The following CCNE2 variants were observed in gnomAD, a reference collection of about 807,000 sequenced individuals.
The protein encoded by CCNE2 is cyclin E2.
Under a neutral mutation model 56.8 loss-of-function variants are expected in CCNE2, and 18 were observed. That is an observed-to-expected ratio of 0.32 (90% CI 0.22 to 0.47). The LOEUF is 0.47. Among genes scored for constraint, CCNE2 ranks in the 20% least tolerant of loss-of-function variants. The pLI, the probability that CCNE2 is intolerant of heterozygous loss-of-function variation, is 1.00. For missense variants in CCNE2, 371 were observed against 467.1 expected, an observed-to-expected ratio of 0.79 and a Z score of 1.90; for synonymous variants, 139 against 149.2, an observed-to-expected ratio of 0.93 and a Z score of 0.50.
At chr8:94,882,054 G>A in intron 11 of CCNE2, 78 bp downstream of exon 11, 2 of 1,346,094 alleles carry the variant, frequency 1.5e-6, no homozygotes, top group South Asian at 1.5e-5. Context: ...GCCTGAAGGA[G>A]TACTCTATTC....
At position 94,880,825 on chromosome 8, in the gene CCNE2, T is replaced by C. The variant is rs1816781198; in HGVS notation, c.*807A>G. 1 of 398,596 alleles carries C rather than the reference T, an allele frequency of 2.5e-6. No homozygotes were observed. The highest frequency in any genetic ancestry group is 4.4e-5 in the Admixed American group (1 of 22,730). The allele number at this position is 398,596 out of a possible 1,614,324, so 24.7% of individuals were successfully genotyped here. ...TAAAGTGACTTCCTCATATAAATAG[T>C]TTGAAAGGGTACTTAAGTTTTTCAC... On this transcript the variant is annotated 3_prime_UTR_variant, in exon 12 of 12. Coordinates refer to ENST00000308108, the MANE Select transcript of CCNE2 (RefSeq NM_057749.3).
At chr8:94,895,264 T>C, upstream of CCNE2, 1 of 985,188 alleles carries the variant, frequency 1.0e-6, no homozygotes, top group Non-Finnish European at 1.2e-6. Flanking sequence ...CGCATGCGCC[T>C]CAGACTGACA....
intron 1 of CCNE2, among the ~76,000 whole-genome samples, chr8:94,894,975 G>T (rs568581604): frequency 6.6e-6 from 1 of 152,272 alleles, no homozygotes; most frequent in Non-Finnish European, 1.5e-5. Context: ...CCTAGAATGA[G>T]GGGCGGCTCT....
chr8:94,881,234 A>C lies in CCNE2; in HGVS notation c.*398T>G, dbSNP rs1816797509. 3 of 359,068 alleles carry C rather than the reference A, an allele frequency of 8.4e-6. No individual in the cohort carries two copies. The allele number at this position is 359,068 out of a possible 1,614,324, so 22.2% of individuals were successfully genotyped here. On this transcript the variant is annotated 3_prime_UTR_variant, in exon 12 of 12. Coordinates refer to ENST00000308108, the MANE Select transcript of CCNE2 (RefSeq NM_057749.3). ...TTTTGAGAATCTAACAACTAGATTCAAAGTACTGTATCACTTAGTATACCC... is the reference window on the plus strand; with the variant it reads ...TTTTGAGAATCTAACAACTAGATTCCAAGTACTGTATCACTTAGTATACCC...
chr8:94,882,215 G>A lies in CCNE2; in HGVS notation c.1018C>T (p.Pro340Ser). 2.5e-6 allele frequency: 4 copies of A among 1,612,622 alleles called. No homozygotes were observed. Among genetic ancestry groups the A allele is most frequent in the Non-Finnish European group, 3.4e-6 (4 of 1,179,180 alleles). Residue 340 changes from proline (P) to serine (S), a missense_variant, in exon 11 of 12, where the codon CCA (proline) becomes TCA (serine). Coordinates refer to ENST00000308108, the MANE Select transcript of CCNE2 (RefSeq NM_057749.3). ...PFVNVVKSTS[P>S]VKLKTFKKIP... ...TTCTTAAAAGTCTTCAGCTTCACTG[G>A]ACTAGTACTTTTTACTACATTGACA...
rs1225361378 is a variant in CCNE2, at chr8:94,881,502, T to TG, written c.*129dup. On this transcript the variant is annotated 3_prime_UTR_variant, in exon 12 of 12. Coordinates refer to ENST00000308108, the MANE Select transcript of CCNE2 (RefSeq NM_057749.3). ...CCAATTGTAAGTTTTAAAATCAGAA[T>TG]GGCAGTGTAACTTGTGAATTGGCTA... 1.3e-6 allele frequency: 1 copy of TG among 779,266 alleles called. No individual in the cohort carries two copies. The highest frequency in any genetic ancestry group is 2.8e-5 in the Admixed American group (1 of 35,642). The allele number at this position is 779,266 out of a possible 1,614,324, so 48.3% of individuals were successfully genotyped here. A position where few individuals can be genotyped will look rare whatever the true frequency, so the allele number is the denominator to read the frequency against.
intron 7 of CCNE2, among the ~76,000 whole-genome samples, chr8:94,886,651 C>T (rs774836476): frequency 2.6e-5 from 4 of 152,144 alleles, no homozygotes; most frequent in Non-Finnish European, 5.9e-5. Context: ...TACTGAGCTG[C>T]AATAGTGCCA....
chr8:94,885,282 T>A, intron 8 of CCNE2, 81 bp from the exon 9 acceptor site: 1 of 1,328,268 alleles, frequency 7.5e-7, no homozygotes, highest in East Asian at 2.3e-5. Context: ...AGAGGTTAAG[T>A]ACATTCCCCA....
At chr8:94,884,762 T>G (rs1198210756) in intron 9 of CCNE2, 1 of 222,738 alleles carries the variant, frequency 4.5e-6, no homozygotes, top group Non-Finnish European at 9.0e-6. Flanking sequence ...AATAATTCTA[T>G]GCCATTATAA....
chr8:94,883,748 G>C (rs16893774), intron 9 of CCNE2: 44,773 of 297,718 alleles, frequency 0.15, 3,840 homozygotes, highest in Middle Eastern at 0.28. Flanking sequence ...TAAGCAGTGA[G>C]ATTAGTTAAA....
At chr8:94,885,650 C>A in intron 7 of CCNE2, 92 bp from the exon 8 acceptor site, 3 of 582,816 alleles carry the variant, frequency 5.1e-6, no homozygotes, top group Non-Finnish European at 8.9e-6. Flanking sequence ...TCCCAATAAA[C>A]CAAAATATCA....
intron 11 of CCNE2, 21 bp from the exon 12 acceptor site, chr8:94,881,766 T>G: frequency 6.2e-7 from 1 of 1,612,010 alleles, no homozygotes; most frequent in South Asian, 1.1e-5. Context: ...GAAGAAATCA[T>G]GCACTGATTT....
chr8:94,891,624 C>T, intron 5 of CCNE2: 1 of 433,848 alleles, frequency 2.3e-6, no homozygotes, highest in Non-Finnish European at 4.2e-6. Context: ...TGCCACTGCA[C>T]TCCAGCCTGG....
chr8:94,881,580 C>G lies in CCNE2; in HGVS notation c.*52G>C. ...GTAAAACTTTAGTAGTTCAGTGATA[C>G]CAGTTCTACCCAATCTTGGTGAATT... is the stretch of plus-strand genomic sequence containing the variant. On this transcript the variant is annotated 3_prime_UTR_variant, in exon 12 of 12. Transcript: ENST00000308108. 1 of 1,584,710 alleles carries G rather than the reference C, an allele frequency of 6.3e-7. No homozygotes were observed. Among genetic ancestry groups the G allele is most frequent in the African/African-American group, 1.4e-5 (1 of 73,806 alleles).
At chr8:94,895,321 C>T (rs1207172191), upstream of CCNE2, 1 of 928,060 alleles carries the variant, frequency 1.1e-6, no homozygotes, top group Non-Finnish European at 1.3e-6. Context: ...CCCGCGTGCC[C>T]GCGCGCCGCG....
intron 6 of CCNE2, among the ~76,000 whole-genome samples, chr8:94,890,137 G>C (rs1367754656): frequency 6.6e-6 from 1 of 152,148 alleles, no homozygotes; most frequent in Non-Finnish European, 1.5e-5. Flanking sequence ...CATTCACCTT[G>C]AGTATCTGTG....
At position 94,895,198 on chromosome 8, in the gene CCNE2, G is replaced by C; in HGVS notation, c.-48C>G. 1.0e-6 allele frequency: 1 copy of C among 985,852 alleles called. No homozygotes were observed. The highest frequency in any genetic ancestry group is 1.2e-6 in the Non-Finnish European group (1 of 830,320). The allele number at this position is 985,852 out of a possible 1,614,324, so 61.1% of individuals were successfully genotyped here. Reference sequence around the variant, plus strand: ...TCACCGCCAGACCAGCTACCGCTCGGCTCAGCTGGCGCCGGCGCCAACCCA... The same window carrying C: ...TCACCGCCAGACCAGCTACCGCTCGCCTCAGCTGGCGCCGGCGCCAACCCA... On this transcript the variant is annotated 5_prime_UTR_variant, in exon 1 of 12. Coordinates refer to ENST00000308108, the MANE Select transcript of CCNE2 (RefSeq NM_057749.3).
At position 94,888,619 on chromosome 8, in the gene CCNE2, G is replaced by A. The variant is rs112335645; in HGVS notation, c.454-546C>T. On this transcript the variant is annotated intron_variant, in intron 6 of 11. Transcript: ENST00000308108. Reference sequence around the variant, plus strand: ...GGCTCACTGCAACCTCTGCCTCCCAGGTTCAGGCGATTCTCCTACCTCAGC... The same window carrying A: ...GGCTCACTGCAACCTCTGCCTCCCAAGTTCAGGCGATTCTCCTACCTCAGC... 4.8e-3 allele frequency among the ~76,000 whole-genome samples: 732 copies of A among 151,644 alleles called. 3 individuals are homozygous for A. The highest frequency in any genetic ancestry group is 0.016 in the African/African-American group (670 of 41,344).
intron 7 of CCNE2, among the ~76,000 whole-genome samples, chr8:94,887,274 G>A (rs1817072876): frequency 6.6e-6 from 1 of 152,202 alleles, no homozygotes; most frequent in Non-Finnish European, 1.5e-5. Flanking sequence ...GGGAGGCCGA[G>A]GTGGGTGGAT....
Sources: gnomAD v4.1 joint callset for allele counts (sites outside exome capture counted in the v4.1 genomes callset) on GRCh38, gnomAD v4.1.1 for gene constraint, MANE v1.5 for transcripts, NCBI Gene and HGNC (gene_info 2026-07-23, HGNC 2026-07-21) for gene names.